Variants in THBS1 observed in about 807,000 individuals in gnomAD.
THBS1 encodes thrombospondin 1.
A neutral mutation model predicts 126.1 loss-of-function variants in THBS1; 29 were observed. The observed-to-expected ratio is 0.23, with a 90% CI of 0.17 to 0.31. The LOEUF is 0.31. THBS1 is among the 10% of genes least tolerant of loss of function. The probability of loss-of-function intolerance (pLI) is 1.00; values close to 1 mark genes in which losing one functional copy is unlikely to be tolerated. For missense variants in THBS1, 1,198 were observed against 1,545.2 expected (o/e 0.78, Z 3.77); for synonymous variants, 496 against 577.8 (o/e 0.86, Z 2.03).
intron 3 of THBS1, 22 bp downstream of exon 3, chr15:39,582,774 C>T: frequency 6.3e-7 from 1 of 1,582,814 alleles, no homozygotes; most frequent in Non-Finnish European, 8.6e-7. Context: ...TCTCTGAGCC[C>T]TGCTCCGTGG....
chr15:39,597,280 GTTTTTTTTTT>G lies in THBS1; in HGVS notation c.*1923_*1932del. On this transcript the variant is annotated 3_prime_UTR_variant, in exon 22 of 22. Transcript: ENST00000260356. ...GTTGGTTTTTTCTTTTTTTTGTTTT[GTTTTTTTTTT>G]TTTTTTTTTTTGCTTTTGACCTCCC... 4.2e-5 allele frequency: 2 copies of G among 48,044 alleles called. No individual in the cohort carries two copies. Among genetic ancestry groups the G allele is most frequent in the African/African-American group, 8.0e-5 (1 of 12,474 alleles). The allele number at this position is 48,044 out of a possible 1,614,324, so 3.0% of individuals were successfully genotyped here. A position where few individuals can be genotyped will look rare whatever the true frequency, so the allele number is the denominator to read the frequency against.
chr15:39,590,545 G>A lies in THBS1; in HGVS notation c.2175G>A (p.Gly725=), dbSNP rs1209308818. The A allele has an allele frequency of 1.9e-6, 3 of 1,613,848 alleles. No individual in the cohort carries two copies. The highest frequency in any genetic ancestry group is 2.5e-6 in the Non-Finnish European group (3 of 1,179,930). ...ATTGCCCCAACCTTCCCAACTCAGG[G>A]CAGGAAGACTATGACAAGGATGGAA... is the stretch of plus-strand genomic sequence containing the variant. ...KDNCPNLPNS[G]QEDYDKDGIG... The change falls in exon 14 of 22, where the codon GGG becomes GGA. Residue 725 remains glycine, a synonymous_variant. Coordinates refer to ENST00000260356, the MANE Select transcript of THBS1 (RefSeq NM_003246.4).
chr15:39,581,882 G>T lies in THBS1; in HGVS notation c.25G>T (p.Val9Phe), dbSNP rs573907873. Residue 9 changes from valine (V) to phenylalanine (F), a missense_variant, in exon 2 of 22, where the codon GTC becomes TTC. Physicochemically the swap from Val to Phe is conservative, Grantham distance 50 (BLOSUM62 -1). Around this residue, in one of 4 missense-constraint regions of THBS1, gnomAD observed 271 missense variants for 277.0 expected, o/e 0.98. Transcript: ENST00000260356. ...CATGGGGCTGGCCTGGGGACTAGGC[G>T]TCCTGTTCCTGATGCATGTGTGTGG... is the stretch of plus-strand genomic sequence containing the variant. MGLAWGLG[V>F]LFLMHVCGTN... 13 of 1,614,092 alleles carry T rather than the reference G, an allele frequency of 8.1e-6. No individual in the cohort carries two copies. The highest frequency in any genetic ancestry group is 9.3e-6 in the Non-Finnish European group (11 of 1,180,018).
chr15:39,597,407 T>C lies in THBS1; in HGVS notation c.*2038T>C, dbSNP rs2140354179. 6.6e-6 allele frequency: 1 copy of C among 152,024 alleles called. No homozygotes were observed. The highest frequency in any genetic ancestry group is 1.9e-4 in the East Asian group (1 of 5,180). The allele number at this position is 152,024 out of a possible 1,614,324, so 9.4% of individuals were successfully genotyped here. On this transcript the variant is annotated 3_prime_UTR_variant, in exon 22 of 22. Transcript: ENST00000260356. ...TTACATTCTAAAGCAGTGTAAGTTG[T>C]ATATTACTGTTTCTTATGTACAAGG...
chr15:39,583,811 G>A, intron 4 of THBS1, 119 bp downstream of exon 4: 1 of 1,268,650 alleles, frequency 7.9e-7, no homozygotes, highest in Non-Finnish European at 1.1e-6. Flanking sequence ...ATCATCAAGA[G>A]GCATACAGAA....
rs755062565 is a variant in THBS1, at chr15:39,589,199, T to C, written c.1774-3T>C. 5 of 1,613,792 alleles carry C rather than the reference T, an allele frequency of 3.1e-6. No homozygotes were observed. In the East Asian group the frequency reaches 6.7e-5, roughly 22 times the overall value. On this transcript the variant is annotated splice_polypyrimidine_tract_variant and splice_region_variant and intron_variant, in intron 11 of 21. Transcript: ENST00000260356. The surrounding 1 kb of genome is among the most constrained non-coding windows in gnomAD (Gnocchi z 4.7). ...ATGATGCACGCTCTTATTTCCTCCA[T>C]AGTGCAAAGAAGTGCCTGATGCCTG...
rs1393068977 is a variant in THBS1 at position 39,582,750 on chromosome 15, C to G, written c.625C>G (p.Gln209Glu). The change falls in exon 3 of 22, where the codon CAG (glutamine) becomes GAG (glutamate). Residue 209 changes from glutamine to glutamate, a missense_variant and splice_region_variant. By Grantham distance (29) the Gln-to-Glu change is conservative. Around this residue, in one of 4 missense-constraint regions of THBS1, gnomAD observed 271 missense variants for 277.0 expected, o/e 0.98. Coordinates refer to ENST00000260356, the MANE Select transcript of THBS1 (RefSeq NM_003246.4). ...AAAGGGGGGCGTCAATGACAATTTC[C>G]AGGTGAGGCTTCTTCTCTGAGCCCT... is the stretch of plus-strand genomic sequence containing the variant. ...IAKGGVNDNF[Q>E]GVLQNVRFVF... 6.2e-7 allele frequency: 1 copy of G among 1,604,554 alleles called. No homozygotes were observed. Among genetic ancestry groups the G allele is most frequent in the East Asian group, 2.2e-5 (1 of 44,852 alleles).
In THBS1 at chr15:39,583,617, G is replaced by C. The variant is rs1044463148; in HGVS notation, c.628G>C (p.Gly210Arg). Residue 210 changes from glycine (G) to arginine (R), a missense_variant and splice_region_variant, in exon 4 of 22, where the codon GGG becomes CGG. Coordinates refer to ENST00000260356, the MANE Select transcript of THBS1 (RefSeq NM_003246.4). ...AGTAATGTGTGTCCTCTGCCCACAG[G>C]GGGTGCTGCAGAATGTGAGGTTTGT... The part of the protein sequence containing the change: ...AKGGVNDNFQ[G>R]VLQNVRFVFG... The C allele has an allele frequency of 9.9e-6, 16 of 1,613,402 alleles. No individual in the cohort carries two copies. Among genetic ancestry groups the C allele is most frequent in the Admixed American group, 1.7e-5 (1 of 59,954 alleles).
rs1456837445 is a variant in THBS1 at position 39,598,798 on chromosome 15, C to T, written c.*3429C>T. 6.6e-6 allele frequency: 1 copy of T among 151,762 alleles called. No individual in the cohort carries two copies. Among genetic ancestry groups the T allele is most frequent in the African/African-American group, 2.4e-5 (1 of 41,332 alleles). The allele number at this position is 151,762 out of a possible 1,614,324, so 9.4% of individuals were successfully genotyped here. On this transcript the variant is annotated 3_prime_UTR_variant, in exon 22 of 22. Coordinates refer to ENST00000260356, the MANE Select transcript of THBS1 (RefSeq NM_003246.4). Reference sequence around the variant, plus strand: ...AAACTCCAGGTCTTATAAGAATGTACATACAATAAAGGTGGTGCCAGCAGT... The same window carrying T: ...AAACTCCAGGTCTTATAAGAATGTATATACAATAAAGGTGGTGCCAGCAGT...
intron 6 of THBS1, 22 bp downstream of exon 6, chr15:39,584,444 G>T: frequency 6.2e-7 from 1 of 1,613,102 alleles, no homozygotes; most frequent in Non-Finnish European, 8.5e-7. Context: ...TCACCAGCCA[G>T]AATAAGAATC....
chr15:39,589,188 T>C lies in THBS1; in HGVS notation c.1774-14T>C, dbSNP rs751572170. On this transcript the variant is annotated splice_polypyrimidine_tract_variant and intron_variant, in intron 11 of 21. Transcript: ENST00000260356. The surrounding 1 kb of genome is among the most constrained non-coding windows in gnomAD (Gnocchi z 4.7). ...GACTTCTAAACATGATGCACGCTCT[T>C]ATTTCCTCCATAGTGCAAAGAAGTG... is the stretch of plus-strand genomic sequence containing the variant. 4 of 1,614,116 alleles carry C rather than the reference T, an allele frequency of 2.5e-6. No homozygotes were observed. Among genetic ancestry groups the C allele is most frequent in the Non-Finnish European group, 3.4e-6 (4 of 1,180,002 alleles).
At chr15:39,588,262 C>G (rs1206420472) in intron 9 of THBS1, 44 bp downstream of exon 9, 32 of 1,585,712 alleles carry the variant, frequency 2.0e-5, no homozygotes, top group Non-Finnish European at 2.7e-5. Flanking sequence ...GGCAGCAGCT[C>G]TGCCCAGCTG....
intron 10 of THBS1, 75 bp from the exon 11 acceptor site, chr15:39,588,884 G>A: frequency 6.2e-7 from 1 of 1,612,486 alleles, no homozygotes. Flanking sequence ...CTTACACTGT[G>A]TTAAGTGCCC....
chr15:39,582,137 C>G (rs981328743), intron 2 of THBS1, 56 bp from the exon 3 acceptor site: 2 of 1,532,628 alleles, frequency 1.3e-6, no homozygotes, highest in Non-Finnish European at 1.8e-6. Context: ...GGACTCAGCC[C>G]CCTACTGCTG....
At position 39,594,728 on chromosome 15, in the gene THBS1, A is replaced by T. The variant is rs1239245429; in HGVS notation, c.3505+288A>T. 6.6e-6 allele frequency among the ~76,000 whole-genome samples: 1 copy of T among 152,242 alleles called. No homozygotes were observed. The highest frequency in any genetic ancestry group is 2.4e-5 in the African/African-American group (1 of 41,462). On this transcript the variant is annotated intron_variant, in intron 21 of 21. Coordinates refer to ENST00000260356, the MANE Select transcript of THBS1 (RefSeq NM_003246.4). This position sits in a 1 kb window ranked among gnomAD's most constrained non-coding sequence, Gnocchi z 4.4. ...CTCCTATATAATTTGGACTTCATTA[A>T]TAATACTGTTCTTTACAATTATATA...
intron 9 of THBS1, 94 bp from the exon 10 acceptor site, chr15:39,588,432 G>T (rs935545477): frequency 1.4e-6 from 2 of 1,430,906 alleles, no homozygotes; most frequent in African/African-American, 2.9e-5. Context: ...TGTCAGAGAA[G>T]CAGAGGTTTC....
At chr15:39,582,132 C>CA (rs1380083507) in intron 2 of THBS1, 61 bp from the exon 3 acceptor site, 1 of 1,521,976 alleles carries the variant, frequency 6.6e-7, no homozygotes, top group Non-Finnish European at 8.9e-7. Context: ...CCTAAGGACT[C>CA]AGCCCCCTAC....
chr15:39,582,172 G>C (rs763208497), intron 2 of THBS1, 21 bp from the exon 3 acceptor site: 2 of 1,565,504 alleles, frequency 1.3e-6, no homozygotes, highest in Admixed American at 1.8e-5. Context: ...AGCTCACTTT[G>C]TGTTCTCTCC....
intron 7 of THBS1, 128 bp downstream of exon 7, chr15:39,585,691 C>A: frequency 1.1e-6 from 1 of 888,266 alleles, no homozygotes; most frequent in Non-Finnish European, 1.8e-6. Flanking sequence ...TTTCTTGCTG[C>A]AGCAGCTGGT....
Sources: gnomAD v4.1 joint callset for allele counts (sites outside exome capture counted in the v4.1 genomes callset) on GRCh38, gnomAD v4.1.1 for gene constraint, gnomAD v4.1.1 regional missense constraint, Gnocchi (gnomAD v3.1) non-coding constraint, MANE v1.5 for transcripts, NCBI Gene and HGNC (gene_info 2026-07-23, HGNC 2026-07-21) for gene names.